Variants in C12orf42 observed in about 807,000 individuals in gnomAD.
C12orf42 encodes chromosome 12 open reading frame 42, also known as uncharacterized protein C12orf42.
Under a neutral mutation model 21.6 loss-of-function variants are expected in C12orf42, and 25 were observed. That is an observed-to-expected ratio of 1.16 (90% CI 0.84 to 1.62). The LOEUF (loss-of-function observed/expected upper bound fraction) is 1.62. Ranked by LOEUF, C12orf42 falls within the 40% of genes most tolerant of loss-of-function variation. The pLI is 0.00. For synonymous variants in C12orf42, 174 were observed against 175.0 expected, an observed-to-expected ratio of 0.99 and a Z score of 0.05; for missense variants, 483 against 459.3, an observed-to-expected ratio of 1.05 and a Z score of -0.47.
At chr12:103,284,138 C>G (rs2036297258) in intron 4 of C12orf42, among the ~76,000 whole-genome samples, 1 of 152,030 alleles carries the variant, frequency 6.6e-6, no homozygotes, top group African/African-American at 2.4e-5. Flanking sequence ...AGGGCTGTCT[C>G]GGAGAACATT....
At chr12:103,453,972 G>A (rs1185425242) in intron 2 of C12orf42, among the ~76,000 whole-genome samples, 1 of 151,982 alleles carries the variant, frequency 6.6e-6, no homozygotes, top group Non-Finnish European at 1.5e-5. Context: ...TTAAACACCT[G>A]GATAATTGTT....
intron 4 of C12orf42, among the ~76,000 whole-genome samples, chr12:103,277,573 A>C (rs1357437833): frequency 6.6e-6 from 1 of 152,010 alleles, no homozygotes; most frequent in Admixed American, 6.6e-5. Flanking sequence ...ACTGATATAT[A>C]ATAAAAATTC....
chr12:103,383,319 G>C (rs1282562575), intron 3 of C12orf42, among the ~76,000 whole-genome samples: 1 of 151,968 alleles, frequency 6.6e-6, no homozygotes, highest in African/African-American at 2.4e-5. Context: ...AGTCAGGCTG[G>C]TCTCCAACTC....
chr12:103,417,929 G>A (rs1055871596), intron 2 of C12orf42, among the ~76,000 whole-genome samples: 1 of 152,192 alleles, frequency 6.6e-6, no homozygotes, highest in Admixed American at 6.5e-5. Flanking sequence ...ATTTTACAAA[G>A]TTAGTTGACA....
intron 2 of C12orf42, among the ~76,000 whole-genome samples, chr12:103,460,867 C>G (rs1952653748): frequency 6.6e-6 from 1 of 152,082 alleles, no homozygotes; most frequent in Non-Finnish European, 1.5e-5. Flanking sequence ...GTGATTGACT[C>G]CCATCCTCTA....
chr12:103,448,106 T>TG lies in C12orf42; in HGVS notation c.78+30242dup, dbSNP rs1951694192. Among the ~76,000 whole-genome samples, 3 of 151,810 alleles carry TG rather than the reference T, an allele frequency of 2.0e-5. No individual in the cohort carries two copies. In the South Asian group the frequency reaches 6.2e-4, roughly 32 times the overall value. ...GTATAAAAATAGGCACACAGACCAATGGAACAGAATAGAAAACCCAGAGAT... is the reference window on the plus strand; with the variant it reads ...GTATAAAAATAGGCACACAGACCAATGGGAACAGAATAGAAAACCCAGAGAT... On this transcript the variant is annotated intron_variant, in intron 2 of 5. Transcript: ENST00000548883.
intron 4 of C12orf42, among the ~76,000 whole-genome samples, chr12:103,365,931 C>CCATCAAAATACCACCATCATTCTT (rs1265846956): frequency 6.6e-6 from 1 of 151,734 alleles, no homozygotes; most frequent in East Asian, 1.9e-4. Context: ...AATGCAATTC[C>CCATCAAAATACCACCATCATTCTT]CATCAAAATA....
intron 2 of C12orf42, among the ~76,000 whole-genome samples, chr12:103,473,339 C>G (rs1192438599): frequency 6.6e-6 from 1 of 152,144 alleles, no homozygotes; most frequent in African/African-American, 2.4e-5. Flanking sequence ...GGCTTTGATC[C>G]TATGATAATA....
chr12:103,166,365 TAAAG>T, the C12orf42 span, among the ~76,000 whole-genome samples: 1 of 152,202 alleles, frequency 6.6e-6, no homozygotes, highest in African/African-American at 2.4e-5. Flanking sequence ...TTATTGTTAT[TAAAG>T]AAAGGTGATA....
the C12orf42 span, among the ~76,000 whole-genome samples, chr12:103,511,257 G>A: frequency 1.3e-5 from 2 of 152,050 alleles, no homozygotes; most frequent in East Asian, 1.9e-4. Context: ...CTAGTCTTAT[G>A]ATTTTATATT....
At chr12:103,417,855 A>G (rs1190817880) in intron 2 of C12orf42, among the ~76,000 whole-genome samples, 1 of 152,210 alleles carries the variant, frequency 6.6e-6, no homozygotes, top group Non-Finnish European at 1.5e-5. Flanking sequence ...TGTATGCAGG[A>G]GTCAATGGTT....
the C12orf42 span, chr12:103,164,667 TG>T: frequency 6.7e-6 from 3 of 450,514 alleles, no homozygotes; most frequent in South Asian, 4.8e-5. Context: ...GTGTTACTTT[TG>T]TAAACCTTTT....
At chr12:103,151,222 C>T in the C12orf42 span, among the ~76,000 whole-genome samples, 9 of 152,130 alleles carry the variant, frequency 5.9e-5, no homozygotes, top group Non-Finnish European at 1.0e-4. Flanking sequence ...CCACCACACC[C>T]AACCAGGAGT....
intron 1 of C12orf42, among the ~76,000 whole-genome samples, chr12:103,488,246 T>G (rs1249570392): frequency 6.6e-6 from 1 of 152,190 alleles, no homozygotes; most frequent in Non-Finnish European, 1.5e-5. Flanking sequence ...AAATTCTGGG[T>G]TGAAAATTCT....
At chr12:103,520,524 TAACAAC>T in the C12orf42 span, among the ~76,000 whole-genome samples, 470 of 149,948 alleles carry the variant, frequency 3.1e-3, 2 homozygotes, top group Middle Eastern at 0.017. Context: ...CCTCTGCCCC[TAACAAC>T]AACAACAACA....
chr12:103,534,205 G>A, the C12orf42 span, among the ~76,000 whole-genome samples: 93 of 152,126 alleles, frequency 6.1e-4, no homozygotes, highest in Middle Eastern at 3.4e-3. Flanking sequence ...TTTCATACAC[G>A]AAAAATATCT....
At chr12:103,537,898 T>C in the C12orf42 span, among the ~76,000 whole-genome samples, 1 of 152,204 alleles carries the variant, frequency 6.6e-6, no homozygotes, top group African/African-American at 2.4e-5. Flanking sequence ...CATGAGGCAG[T>C]TTTATCTTAA....
chr12:103,097,545 A>C, the C12orf42 span, among the ~76,000 whole-genome samples: 95 of 152,336 alleles, frequency 6.2e-4, no homozygotes, highest in South Asian at 8.7e-3. Flanking sequence ...CAAAAATGAG[A>C]AAATATAGAA....
chr12:103,470,747 G>A (rs1394660542), intron 2 of C12orf42, among the ~76,000 whole-genome samples: 1 of 152,158 alleles, frequency 6.6e-6, no homozygotes, highest in African/African-American at 2.4e-5. Context: ...CCAATACCCT[G>A]AGGCCATTAT....
Sources: gnomAD v4.1 joint callset for allele counts (sites outside exome capture counted in the v4.1 genomes callset) on GRCh38, gnomAD v4.1.1 for gene constraint, MANE v1.5 for transcripts, NCBI Gene and HGNC (gene_info 2026-07-23, HGNC 2026-07-21) for gene names.